OLFML2B: variants seen among roughly 807,000 people sequenced by gnomAD.
OLFML2B encodes the protein olfactomedin like 2B.
Under a neutral mutation model 74.9 loss-of-function variants are expected in OLFML2B, and 57 were observed. That is an observed-to-expected ratio of 0.76 (90% CI 0.61 to 0.95). OLFML2B has a LOEUF of 0.95. Among genes scored for constraint, OLFML2B ranks in the 40% least tolerant of loss-of-function variants. OLFML2B has a pLI of 0.00. For synonymous variants in OLFML2B, 388 were observed against 405.8 expected (o/e 0.96, Z 0.53); for missense variants, 986 against 970.6 (o/e 1.02, Z -0.21).
intron 6 of OLFML2B, among the ~76,000 whole-genome samples, chr1:161,993,457 C>T (rs1464607262): frequency 6.6e-6 from 1 of 152,186 alleles, no homozygotes; most frequent in Non-Finnish European, 1.5e-5. Flanking sequence ...GGGCCCCTGC[C>T]GTATCTGTCT....
chr1:162,012,101 GAC>G (rs1288093964), intron 3 of OLFML2B, among the ~76,000 whole-genome samples: 1 of 152,166 alleles, frequency 6.6e-6, no homozygotes, highest in Non-Finnish European at 1.5e-5. Flanking sequence ...CACGTATAAG[GAC>G]ACTGAAGTCA....
chr1:162,000,164 T>C lies in OLFML2B; in HGVS notation c.898A>G (p.Thr300Ala). Residue 300 changes from threonine to alanine, a missense_variant, in exon 5 of 8, where the codon ACC becomes GCC. Coordinates refer to ENST00000294794, the MANE Select transcript of OLFML2B (RefSeq NM_015441.3). ...ASQPTVIRGITYYKAKVSEEE... is the reference protein window; with the variant it reads ...ASQPTVIRGIAYYKAKVSEEE... ...TCAGAGACCTTGGCTTTATAGTAGG[T>C]GATGCCCCGGATGACAGTGGGCTGG... is the stretch of plus-strand genomic sequence containing the variant. The C allele has an allele frequency of 6.2e-7, 1 of 1,612,766 alleles. No homozygotes were observed.
chr1:162,000,328 C>T lies in OLFML2B; in HGVS notation c.734G>A (p.Arg245Gln), dbSNP rs144547147. 18 of 1,611,904 alleles carry T rather than the reference C, an allele frequency of 1.1e-5. No homozygotes were observed. Among genetic ancestry groups the T allele is most frequent in the East Asian group, 2.2e-5 (1 of 44,878 alleles). Reference protein sequence around the residue: ...AAYAHPEYEERFLQEETVSQQ... With the variant: ...AAYAHPEYEEQFLQEETVSQQ... Reference sequence around the variant, plus strand: ...GGACACGGTTTCTTCCTGCAGAAACCGCTCTTCATACTGCTCCTCAGAGGG... The same window carrying T: ...GGACACGGTTTCTTCCTGCAGAAACTGCTCTTCATACTGCTCCTCAGAGGG... Residue 245 changes from arginine to glutamine, a missense_variant, in exon 5 of 8, where the codon CGG becomes CAG. Physicochemically the swap from Arg to Gln is conservative, Grantham distance 43 (BLOSUM62 1). Coordinates refer to ENST00000294794, the MANE Select transcript of OLFML2B (RefSeq NM_015441.3).
At chr1:162,020,341 T>C (rs903399194) in intron 1 of OLFML2B, among the ~76,000 whole-genome samples, 159 bp from the exon 2 acceptor site, 15 of 152,230 alleles carry the variant, frequency 9.9e-5, no homozygotes, top group Admixed American at 8.5e-4. Context: ...TGCAGTTTGC[T>C]GACTCTGACA....
intron 6 of OLFML2B, among the ~76,000 whole-genome samples, chr1:161,991,387 C>T (rs1689738938): frequency 6.6e-6 from 1 of 152,198 alleles, no homozygotes; most frequent in Non-Finnish European, 1.5e-5. Flanking sequence ...TTGCACATCT[C>T]CATGAGAGCT....
intron 4 of OLFML2B, among the ~76,000 whole-genome samples, chr1:162,003,226 A>G (rs1489956678): frequency 6.6e-6 from 1 of 152,192 alleles, no homozygotes; most frequent in Non-Finnish European, 1.5e-5. Context: ...GCTCCTACCC[A>G]GCAGACTTGG....
rs558927205 is a variant in OLFML2B at position 161,992,422 on chromosome 1, C to A, written c.1474+5403G>T. Reference sequence around the variant, plus strand: ...CATTTGCTTATCATTCATGTGTTTACTGGAGTAGCACTTTTAATTTCCTTC... The same window carrying A: ...CATTTGCTTATCATTCATGTGTTTAATGGAGTAGCACTTTTAATTTCCTTC... On this transcript the variant is annotated intron_variant, in intron 6 of 7. Coordinates refer to ENST00000294794, the MANE Select transcript of OLFML2B (RefSeq NM_015441.3). Among the ~76,000 whole-genome samples, 6 of 152,368 alleles carry A rather than the reference C, an allele frequency of 3.9e-5. No individual in the cohort carries two copies. The South Asian group carries it at 1.2e-3, about 32-fold the overall frequency.
At position 161,983,611 on chromosome 1, in the gene OLFML2B, C is replaced by T. The variant is rs368058258; in HGVS notation, c.*64G>A. The T allele has an allele frequency of 2.8e-4, 431 of 1,527,534 alleles. No homozygotes were observed. The highest frequency in any genetic ancestry group is 6.6e-4 in the Admixed American group (35 of 53,160). The allele number at this position is 1,527,534 out of a possible 1,614,324, so 94.6% of individuals were successfully genotyped here. A position where few individuals can be genotyped will look rare whatever the true frequency, so the allele number is the denominator to read the frequency against. On this transcript the variant is annotated 3_prime_UTR_variant, in exon 8 of 8. Coordinates refer to ENST00000294794, the MANE Select transcript of OLFML2B (RefSeq NM_015441.3). Reference sequence around the variant, plus strand: ...ACATACCCACCTACACACACGTGCGCGCACACACATACACACAAGGTGCTA... The same window carrying T: ...ACATACCCACCTACACACACGTGCGTGCACACACATACACACAAGGTGCTA...
intron 6 of OLFML2B, among the ~76,000 whole-genome samples, chr1:161,985,844 G>A (rs555264857): frequency 1.5e-4 from 23 of 152,284 alleles, no homozygotes; most frequent in African/African-American, 4.8e-4. Context: ...AGTCGGCCAC[G>A]ATGGGACAGG....
At chr1:161,989,728 G>A (rs147390982) in intron 6 of OLFML2B, among the ~76,000 whole-genome samples, 66 of 152,338 alleles carry the variant, frequency 4.3e-4, no homozygotes, top group Non-Finnish European at 2.9e-5. Flanking sequence ...GTGAGCAGAG[G>A]AGAATGCAAG....
At chr1:161,995,637 G>A (rs901959915) in intron 6 of OLFML2B, among the ~76,000 whole-genome samples, 3 of 152,170 alleles carry the variant, frequency 2.0e-5, no homozygotes, top group African/African-American at 7.2e-5. Flanking sequence ...TGGAGAGAGT[G>A]AACAACTCAC....
At chr1:161,985,416 G>A (rs747766752) in intron 6 of OLFML2B, among the ~76,000 whole-genome samples, 5 of 152,178 alleles carry the variant, frequency 3.3e-5, no homozygotes, top group Admixed American at 6.5e-5. Context: ...CTCCCTCCAC[G>A]CCTGCCCCCA....
At chr1:162,002,494 G>C (rs547315250) in intron 4 of OLFML2B, among the ~76,000 whole-genome samples, 1 of 152,312 alleles carries the variant, frequency 6.6e-6, no homozygotes, top group East Asian at 1.9e-4. Context: ...TGGCCACCAC[G>C]GCCAATGTGC....
chr1:162,017,424 C>A lies in OLFML2B; in HGVS notation c.522G>T (p.Val174=), dbSNP rs944344338. The A allele has an allele frequency of 6.2e-7, 1 of 1,613,476 alleles. No individual in the cohort carries two copies. Among genetic ancestry groups the A allele is most frequent in the African/African-American group, 1.3e-5 (1 of 74,870 alleles). ...CCTCCTCCAGTTTATCCACTCGCCC[C>A]ACCAGTTTGGTGGTGACTGAATGTA... ...LKLHSVTTKL[V]GRVDKLEEEV... Residue 174 remains valine (V), a synonymous_variant, in exon 3 of 8, where the codon GTG becomes GTT. Coordinates refer to ENST00000294794, the MANE Select transcript of OLFML2B (RefSeq NM_015441.3).
At position 162,020,102 on chromosome 1, in the gene OLFML2B, G is replaced by A. The variant is rs140350244; in HGVS notation, c.255C>T (p.Gly85=). Residue 85 remains glycine (G), a synonymous_variant, in exon 2 of 8, where the codon GGC becomes GGT. Transcript: ENST00000294794. ...CQCKCVVRPL[G]RDACQRINAG... ...CATTGATCCTCTGGCAGGCATCCCG[G>A]CCCAGGGGTCTCACCACACACTTGC... The A allele has an allele frequency of 7.1e-5, 114 of 1,614,152 alleles. No individual in the cohort carries two copies. In the African/African-American group the frequency reaches 1.3e-3, roughly 19 times the overall value.
At chr1:162,015,536 C>T (rs1369523374) in intron 3 of OLFML2B, among the ~76,000 whole-genome samples, 1 of 152,198 alleles carries the variant, frequency 6.6e-6, no homozygotes, top group African/African-American at 2.4e-5. Context: ...CGCTCCTGTT[C>T]CTATAGAAGA....
chr1:161,983,716 T>C lies in OLFML2B; in HGVS notation c.2212A>G (p.Asn738Asp), dbSNP rs766095870. The change falls in exon 8 of 8, where the codon AAT (asparagine) becomes GAT (aspartate). Residue 738 changes from asparagine (N) to aspartate (D), a missense_variant. By Grantham distance (23) the Asn-to-Asp change is conservative. Transcript: ENST00000294794. The part of the protein sequence containing the change: ...PKDRLLYAWD[N>D]GHQVTYHVIF... ...ACATGGTAAGTGACCTGGTGGCCAT[T>C]GTCCCAGGCATAGAGCAGGCGGTCC... 6.2e-7 allele frequency: 1 copy of C among 1,612,668 alleles called. No homozygotes were observed. Among genetic ancestry groups the C allele is most frequent in the Non-Finnish European group, 8.5e-7 (1 of 1,178,820 alleles).
At chr1:161,985,946 T>C (rs532645125) in intron 6 of OLFML2B, among the ~76,000 whole-genome samples, 1 of 152,270 alleles carries the variant, frequency 6.6e-6, no homozygotes, top group South Asian at 2.1e-4. Context: ...CTAGATGAAG[T>C]TGAGAGCCTG....
Position 162,011,530 on chromosome 1 carries a change from G to A in OLFML2B, c.547-5057C>T, listed in dbSNP as rs538944635. Among the ~76,000 whole-genome samples the A allele has an allele frequency of 4.6e-5, 7 of 152,324 alleles. No individual in the cohort carries two copies. In the East Asian group the frequency reaches 1.4e-3, roughly 29 times the overall value. ...GCTGGAAACAGCCGGTGCTCCTGAT[G>A]GCAGGACAGGCAGGCCATGGCCTAA... is the stretch of plus-strand genomic sequence containing the variant. On this transcript the variant is annotated intron_variant, in intron 3 of 7. Coordinates refer to ENST00000294794, the MANE Select transcript of OLFML2B (RefSeq NM_015441.3).
Sources: allele counts gnomAD v4.1 joint callset (sites outside exome capture counted in the v4.1 genomes callset), GRCh38; gene constraint gnomAD v4.1.1; transcripts MANE v1.5; gene names NCBI Gene and HGNC (gene_info 2026-07-23, HGNC 2026-07-21).